Variants in CSMD1 observed in about 807,000 individuals in gnomAD.
The protein encoded by CSMD1 is CUB and sushi domain-containing protein 1.
CSMD1 carries 213 observed loss-of-function variants against 417.5 expected under a neutral mutation model. That is an observed-to-expected ratio of 0.51 (90% confidence interval 0.46 to 0.57). The LOEUF (loss-of-function observed/expected upper bound fraction) is 0.57. CSMD1 is among the 20% of genes least tolerant of loss of function. The pLI is 0.00. For missense variants in CSMD1, 6,923 were observed against 4,529.7 expected, an observed-to-expected ratio of 1.53 and a Z score of -15.17; for synonymous variants, 2,862 against 1,736.8, an observed-to-expected ratio of 1.65 and a Z score of -16.11.
chr8:4,354,019 A>T (rs1801253277), intron 3 of CSMD1, among the ~76,000 whole-genome samples: 1 of 152,210 alleles, frequency 6.6e-6, no homozygotes, highest in South Asian at 2.1e-4. Context: ...CACATTCTTC[A>T]GGCTTTTTCC....
At chr8:4,340,246 C>G (rs1427761955) in intron 3 of CSMD1, among the ~76,000 whole-genome samples, 1 of 152,064 alleles carries the variant, frequency 6.6e-6, no homozygotes, top group East Asian at 1.9e-4. Flanking sequence ...TTTCCTCTCA[C>G]TGAAGCCTGG....
chr8:4,538,626 A>G (rs990973541), intron 2 of CSMD1, among the ~76,000 whole-genome samples: 1 of 152,134 alleles, frequency 6.6e-6, no homozygotes, highest in Non-Finnish European at 1.5e-5. Flanking sequence ...ATGGACCACA[A>G]AGGAAGACTC....
Position 4,352,268 on chromosome 8 carries a change from T to G in CSMD1, c.415+67685A>C, listed in dbSNP as rs75228397. On this transcript the variant is annotated intron_variant, in intron 3 of 69. Coordinates refer to ENST00000635120, the MANE Select transcript of CSMD1 (RefSeq NM_033225.6). ...GGTTCTAAATGGAAATGAACTCACC[T>G]GCTCATGAGGGTTCTTCCAGGTGAT... 1.8e-3 allele frequency among the ~76,000 whole-genome samples: 280 copies of G among 152,322 alleles called. 3 individuals carry two copies. In the East Asian group the frequency reaches 0.048, roughly 26 times the overall value.
intron 1 of CSMD1, among the ~76,000 whole-genome samples, chr8:4,824,315 T>C (rs898296506): frequency 6.6e-6 from 1 of 152,066 alleles, no homozygotes; most frequent in African/African-American, 2.4e-5. Context: ...AATAATACTT[T>C]GTGTTATTTG....
intron 41 of CSMD1, among the ~76,000 whole-genome samples, chr8:3,131,319 T>G (rs932787816): frequency 6.6e-6 from 1 of 150,602 alleles, no homozygotes; most frequent in African/African-American, 2.4e-5. Flanking sequence ...AATGTGCACA[T>G]GTACCCTAAA....
chr8:4,665,505 TC>T (rs1804866096), intron 1 of CSMD1, among the ~76,000 whole-genome samples: 1 of 152,200 alleles, frequency 6.6e-6, no homozygotes, highest in Non-Finnish European at 1.5e-5. Context: ...CTCTTGCTCC[TC>T]TGTGGTCAGC....
At chr8:4,279,070 T>G (rs373221728) in intron 3 of CSMD1, among the ~76,000 whole-genome samples, 1 of 152,216 alleles carries the variant, frequency 6.6e-6, no homozygotes, top group African/African-American at 2.4e-5. Flanking sequence ...TGTTTTTATG[T>G]TTGAACATTT....
intron 3 of CSMD1, among the ~76,000 whole-genome samples, chr8:4,372,870 T>G (rs1345424519): frequency 1.3e-5 from 2 of 152,076 alleles, no homozygotes; most frequent in East Asian, 1.9e-4. Context: ...ATTATTTACA[T>G]GGAAATATAG....
intron 11 of CSMD1, among the ~76,000 whole-genome samples, chr8:3,473,531 T>A (rs59165258): frequency 0.23 from 34,363 of 152,142 alleles, 5,256 homozygotes; most frequent in East Asian, 0.59. Flanking sequence ...AACACTGAGA[T>A]ATTATTTCTT....
intron 8 of CSMD1, among the ~76,000 whole-genome samples, chr8:3,605,005 G>T (rs867695150): frequency 6.6e-6 from 1 of 152,088 alleles, no homozygotes; most frequent in Non-Finnish European, 1.5e-5. Flanking sequence ...TTAAAAGAAA[G>T]CAGTTCTTTT....
chr8:4,052,491 G>C (rs532105018), intron 3 of CSMD1, among the ~76,000 whole-genome samples: 3 of 152,266 alleles, frequency 2.0e-5, no homozygotes, highest in African/African-American at 4.8e-5. Context: ...CAGGGTCAGA[G>C]TGCAGTGGGA....
At chr8:3,607,166 A>T (rs1801659641) in intron 8 of CSMD1, among the ~76,000 whole-genome samples, 1 of 152,086 alleles carries the variant, frequency 6.6e-6, no homozygotes, top group Non-Finnish European at 1.5e-5. Flanking sequence ...CTTTTGTTAT[A>T]AACTAAAACA....
chr8:4,972,516 C>G (rs964144551), intron 1 of CSMD1, among the ~76,000 whole-genome samples: 1 of 152,120 alleles, frequency 6.6e-6, no homozygotes. Context: ...CCTTCACCTG[C>G]CATGATTGTA....
intron 2 of CSMD1, among the ~76,000 whole-genome samples, chr8:4,428,920 G>T (rs144224849): frequency 5.3e-5 from 8 of 151,872 alleles, no homozygotes; most frequent in African/African-American, 1.9e-4. Flanking sequence ...TCACCATTTG[G>T]CCAGGCTGGT....
At chr8:4,956,860 A>C (rs1403851972) in intron 1 of CSMD1, among the ~76,000 whole-genome samples, 1 of 152,144 alleles carries the variant, frequency 6.6e-6, no homozygotes, top group African/African-American at 2.4e-5. Flanking sequence ...GTGTGAACTC[A>C]TGGTGTTCCC....
At chr8:3,764,954 A>C (rs1798192477) in intron 5 of CSMD1, among the ~76,000 whole-genome samples, 1 of 151,908 alleles carries the variant, frequency 6.6e-6, no homozygotes, top group African/African-American at 2.4e-5. Flanking sequence ...CATGTTGACC[A>C]GGCTGGTCTC....
In CSMD1 at chr8:4,833,228, T is replaced by G. The variant is rs900665863; in HGVS notation, c.85+161104A>C. 1.3e-5 allele frequency among the ~76,000 whole-genome samples: 2 copies of G among 152,164 alleles called. 1 individual carries two copies. The highest frequency in any genetic ancestry group is 1.3e-4 in the Admixed American group (2 of 15,270). On this transcript the variant is annotated intron_variant, in intron 1 of 69. Coordinates refer to ENST00000635120, the MANE Select transcript of CSMD1 (RefSeq NM_033225.6). ...TATAAAGAAAAGTGGATTAACTGACTCACAATTCCACAGGCTGTTCAGGAG... is the reference window on the plus strand; with the variant it reads ...TATAAAGAAAAGTGGATTAACTGACGCACAATTCCACAGGCTGTTCAGGAG...
At chr8:3,351,440 G>T (rs371301531) in intron 21 of CSMD1, among the ~76,000 whole-genome samples, 1 of 151,456 alleles carries the variant, frequency 6.6e-6, no homozygotes, top group Non-Finnish European at 1.5e-5. Flanking sequence ...GTGAAATCCC[G>T]TCTCTACTAA....
chr8:3,269,422 A>G (rs898800240), intron 26 of CSMD1, among the ~76,000 whole-genome samples: 3 of 152,252 alleles, frequency 2.0e-5, no homozygotes, highest in African/African-American at 7.2e-5. Flanking sequence ...CCCATAAAAC[A>G]GTCCCAGCCT....
Sources: gnomAD v4.1 joint callset for allele counts (sites outside exome capture counted in the v4.1 genomes callset) on GRCh38, gnomAD v4.1.1 for gene constraint, MANE v1.5 for transcripts, NCBI Gene and HGNC (gene_info 2026-07-23, HGNC 2026-07-21) for gene names.